Variants in DIS3L2 observed in about 807,000 individuals in gnomAD.
DIS3L2 encodes the protein DIS3-like exonuclease 2.
A neutral mutation model predicts 97.5 loss-of-function variants in DIS3L2; 34 were observed. The ratio of observed to expected loss-of-function variants is 0.35; its 90% CI spans 0.27 to 0.46. The LOEUF (loss-of-function observed/expected upper bound fraction) is 0.46, where lower values mean the gene tolerates loss of function less well. DIS3L2 is among the 20% of genes least tolerant of loss of function. DIS3L2 has a pLI of 1.00. For missense variants in DIS3L2, 1,038 were observed against 1,146.0 expected (o/e 0.91, Z 1.36); for synonymous variants, 435 against 445.2 (o/e 0.98, Z 0.29).
chr2:232,336,826 G>A lies in DIS3L2; in HGVS notation c.*196G>A. ...GGGTGGGGCTGGAAGGAAGGCTGAG[G>A]CCTGGTCAGCAGTGACCCCAGCAGA... On this transcript the variant is annotated 3_prime_UTR_variant, in exon 21 of 21. Coordinates refer to ENST00000325385, the MANE Select transcript of DIS3L2 (RefSeq NM_152383.5). 9 of 1,413,212 alleles carry A rather than the reference G, an allele frequency of 6.4e-6. No individual in the cohort carries two copies. Among genetic ancestry groups the A allele is most frequent in the South Asian group, 6.0e-5 (4 of 66,312 alleles). 87.5% of individuals were successfully genotyped at this position (1,413,212 alleles called of 1,614,324 possible).
intron 10 of DIS3L2, among the ~76,000 whole-genome samples, chr2:232,237,884 G>T (rs1692977715): frequency 6.6e-6 from 1 of 152,188 alleles, no homozygotes; most frequent in Non-Finnish European, 1.5e-5. Context: ...AATGGCTTGA[G>T]GGAAGATCTG....
intron 13 of DIS3L2, among the ~76,000 whole-genome samples, chr2:232,291,551 G>A (rs572488546): frequency 6.6e-6 from 1 of 152,360 alleles, no homozygotes; most frequent in South Asian, 2.1e-4. Context: ...ACCTGTGTTT[G>A]AACCTTGGTC....
intron 9 of DIS3L2, among the ~76,000 whole-genome samples, chr2:232,192,895 A>T (rs537555670): frequency 1.3e-5 from 2 of 152,184 alleles, no homozygotes; most frequent in South Asian, 4.1e-4. Flanking sequence ...GGAACCAGGG[A>T]CTGCAGTGAG....
intron 10 of DIS3L2, among the ~76,000 whole-genome samples, chr2:232,225,857 A>C (rs1692629919): frequency 6.6e-6 from 1 of 152,244 alleles, no homozygotes; most frequent in African/African-American, 2.4e-5. Flanking sequence ...TCATAAAAAG[A>C]AACAAAGTAC....
chr2:232,005,959 G>A (rs899166633), intron 1 of DIS3L2, among the ~76,000 whole-genome samples: 5 of 152,184 alleles, frequency 3.3e-5, no homozygotes, highest in African/African-American at 1.2e-4. Context: ...GGGCTGAGGC[G>A]GGTGGATCAC....
intron 13 of DIS3L2, among the ~76,000 whole-genome samples, chr2:232,275,068 C>A (rs1360274819): frequency 6.6e-6 from 1 of 152,096 alleles, no homozygotes; most frequent in East Asian, 1.9e-4. Flanking sequence ...CCTCCTCCCT[C>A]CTGCCTTGCC....
intron 6 of DIS3L2, among the ~76,000 whole-genome samples, chr2:232,102,721 T>C (rs905628666): frequency 1.3e-5 from 2 of 152,186 alleles, no homozygotes; most frequent in African/African-American, 2.4e-5. Context: ...AAATAAAACA[T>C]TGGGTGAAAG....
At position 232,321,730 on chromosome 2, in the gene DIS3L2, G is replaced by T. The variant is rs952225805; in HGVS notation, c.1740-8083G>T. On this transcript the variant is annotated intron_variant, in intron 14 of 20. Coordinates refer to ENST00000325385, the MANE Select transcript of DIS3L2 (RefSeq NM_152383.5). ...AGCCTTATCAGGGAGGCCGTGGCGC[G>T]GGCCTGAGTGCTGCTTCTGCCCTCA... 4.6e-5 allele frequency among the ~76,000 whole-genome samples: 7 copies of T among 152,212 alleles called. 1 individual carries two copies. The South Asian group carries it at 1.4e-3, about 31-fold the overall frequency.
chr2:232,233,230 G>A (rs370611383), intron 10 of DIS3L2, among the ~76,000 whole-genome samples: 6 of 152,180 alleles, frequency 3.9e-5, no homozygotes, highest in African/African-American at 1.4e-4. Context: ...CTAAAACAAC[G>A]GATTTATTCC....
At chr2:232,066,182 A>G (rs1695851871) in intron 5 of DIS3L2, among the ~76,000 whole-genome samples, 1 of 151,942 alleles carries the variant, frequency 6.6e-6, no homozygotes, top group African/African-American at 2.4e-5. Flanking sequence ...TATGATGTTG[A>G]ACACAAGTAG....
chr2:232,093,193 A>G (rs976344168), intron 6 of DIS3L2, among the ~76,000 whole-genome samples: 3 of 152,114 alleles, frequency 2.0e-5, no homozygotes, highest in Admixed American at 6.6e-5. Context: ...CATCACATTG[A>G]TTGGTTTGCG....
Position 232,276,302 on chromosome 2 carries a change from C to G in DIS3L2, c.1659+12862C>G, listed in dbSNP as rs571459637. On this transcript the variant is annotated intron_variant, in intron 13 of 20. Transcript: ENST00000325385. The surrounding 1 kb of genome is among the most constrained non-coding windows in gnomAD (Gnocchi z 4.4). ...TGATTTGCTACTGTCAGTTTCGACCCGTAAATAACAGGGCGCTCTCCCCTT... is the reference window on the plus strand; with the variant it reads ...TGATTTGCTACTGTCAGTTTCGACCGGTAAATAACAGGGCGCTCTCCCCTT... Among the ~76,000 whole-genome samples the G allele has an allele frequency of 2.0e-5, 3 of 152,176 alleles. No individual in the cohort carries two copies. Among genetic ancestry groups the G allele is most frequent in the Non-Finnish European group, 4.4e-5 (3 of 68,028 alleles).
At chr2:232,119,870 C>CT (rs1438715569) in intron 6 of DIS3L2, among the ~76,000 whole-genome samples, 1 of 152,168 alleles carries the variant, frequency 6.6e-6, no homozygotes, top group African/African-American at 2.4e-5. Context: ...TACCACCTTT[C>CT]TTAATCTCTT....
At chr2:232,238,693 T>C (rs775792969) in intron 11 of DIS3L2, 48 bp downstream of exon 11, 1 of 1,515,774 alleles carries the variant, frequency 6.6e-7, no homozygotes, top group South Asian at 1.2e-5. Context: ...TTTATTTGTT[T>C]GTTTCCCTGG....
Position 232,232,320 on chromosome 2 carries a change from G to C in DIS3L2, c.1205-6213G>C, listed in dbSNP as rs555013185. Among the ~76,000 whole-genome samples, 6 of 152,336 alleles carry C rather than the reference G, an allele frequency of 3.9e-5. No individual in the cohort carries two copies. In the South Asian group the frequency reaches 8.3e-4, roughly 21 times the overall value. On this transcript the variant is annotated intron_variant, in intron 10 of 20. Transcript: ENST00000325385. ...GGCAGCAGGGCCTCTGGAGGGTGTA[G>C]ATGGTGAGGCGACAGGCAGATTTGT...
At chr2:232,238,703 G>A (rs911792578) in intron 11 of DIS3L2, 58 bp downstream of exon 11, 2 of 1,451,268 alleles carry the variant, frequency 1.4e-6, no homozygotes, top group African/African-American at 1.4e-5. Context: ...TGTTTCCCTG[G>A]AAGAGTGTGT....
At chr2:232,220,866 G>T (rs1255637379) in intron 10 of DIS3L2, among the ~76,000 whole-genome samples, 1 of 151,916 alleles carries the variant, frequency 6.6e-6, no homozygotes, top group African/African-American at 2.4e-5. Context: ...ACTTTGGGAG[G>T]CTGAGGCGGG....
chr2:232,299,616 A>G lies in DIS3L2; in HGVS notation c.1660-424A>G, dbSNP rs181347460. On this transcript the variant is annotated intron_variant, in intron 13 of 20. Coordinates refer to ENST00000325385, the MANE Select transcript of DIS3L2 (RefSeq NM_152383.5). ...TCAGGCTCTTCACTTTCATGGAAAC[A>G]TGGGGATTTTTTTCTTGCTTCAGAG... 1.8e-3 allele frequency among the ~76,000 whole-genome samples: 278 copies of G among 151,886 alleles called. 1 individual carries two copies. Among genetic ancestry groups the G allele is most frequent in the Admixed American group, 3.4e-3 (52 of 15,220 alleles).
chr2:232,313,036 G>A (rs1695176879), intron 14 of DIS3L2, among the ~76,000 whole-genome samples: 1 of 151,686 alleles, frequency 6.6e-6, no homozygotes, highest in Non-Finnish European at 1.5e-5. Context: ...ACCTCATCAT[G>A]TCATCTGCAA....
Sources: allele counts gnomAD v4.1 joint callset (sites outside exome capture counted in the v4.1 genomes callset), GRCh38; gene constraint gnomAD v4.1.1; non-coding constraint Gnocchi (gnomAD v3.1); transcripts MANE v1.5; gene names NCBI Gene and HGNC (gene_info 2026-07-23, HGNC 2026-07-21).